AGBL1: variants seen among roughly 807,000 people sequenced by gnomAD.
AGBL1 encodes AGBL carboxypeptidase 1, also known as cytosolic carboxypeptidase 4.
AGBL1 carries 130 observed loss-of-function variants against 118.9 expected under a neutral mutation model. That is an observed-to-expected ratio of 1.09 (90% CI 0.95 to 1.26). The LOEUF (loss-of-function observed/expected upper bound fraction) is 1.26. AGBL1 is among the 50% of genes most tolerant of loss of function. The pLI is 0.00. For missense variants in AGBL1, 1,584 were observed against 1,298.1 expected (o/e 1.22, Z -3.38); for synonymous variants, 555 against 478.9 (o/e 1.16, Z -2.08).
chr15:86,738,641 G>C (rs1032345865), intron 22 of AGBL1, among the ~76,000 whole-genome samples: 1 of 151,966 alleles, frequency 6.6e-6, no homozygotes, highest in Non-Finnish European at 1.5e-5. Context: ...CCAATATTCT[G>C]GCAATAGAAT....
chr15:86,642,942 C>G (rs917299487), intron 21 of AGBL1, among the ~76,000 whole-genome samples: 1 of 152,006 alleles, frequency 6.6e-6, no homozygotes, highest in East Asian at 1.9e-4. Flanking sequence ...CACTAATATA[C>G]CAGGATGGTA....
At position 86,467,933 on chromosome 15, in the gene AGBL1, T is replaced by C. The variant is rs549076709; in HGVS notation, c.2556-54877T>C. ...CTGGAGCTGTTTCTATTTGGTCATC[T>C]TGCCCAGAAATCCTGCTGCATCATT... is the stretch of plus-strand genomic sequence containing the variant. On this transcript the variant is annotated intron_variant, in intron 18 of 22. Transcript: ENST00000614907. Among the ~76,000 whole-genome samples, 11 of 152,290 alleles carry C rather than the reference T, an allele frequency of 7.2e-5. No individual in the cohort carries two copies. In the South Asian group the frequency reaches 1.2e-3, roughly 17 times the overall value.
chr15:86,822,265 C>A (rs1274161423), intron 22 of AGBL1, among the ~76,000 whole-genome samples: 1 of 152,150 alleles, frequency 6.6e-6, no homozygotes, highest in Non-Finnish European at 1.5e-5. Flanking sequence ...CACATGATAG[C>A]CACCACAATG....
chr15:86,094,786 G>C (rs1896248343), intron 1 of AGBL1, among the ~76,000 whole-genome samples: 1 of 152,182 alleles, frequency 6.6e-6, no homozygotes, highest in African/African-American at 2.4e-5. Context: ...AAATGTGTGA[G>C]GTGGTTCCCA....
At chr15:86,213,635 C>T (rs2078137528) in intron 5 of AGBL1, among the ~76,000 whole-genome samples, 1 of 152,136 alleles carries the variant, frequency 6.6e-6, no homozygotes, top group Admixed American at 6.6e-5. Context: ...TGAGGGAGCA[C>T]TTTGTAGGTC....
chr15:86,084,128 G>A (rs1041950179), intron 1 of AGBL1, among the ~76,000 whole-genome samples: 11 of 152,196 alleles, frequency 7.2e-5, no homozygotes, highest in South Asian at 2.1e-4. Context: ...AGGGCCAAGT[G>A]GACAAGAGAC....
At chr15:86,339,026 G>A (rs2080419129) in intron 17 of AGBL1, among the ~76,000 whole-genome samples, 1 of 152,100 alleles carries the variant, frequency 6.6e-6, no homozygotes, top group Admixed American at 6.5e-5. Context: ...TGCTTTTTAT[G>A]CGTTAATATG....
chr15:86,172,887 A>AG, intron 5 of AGBL1, among the ~76,000 whole-genome samples: 1 of 152,232 alleles, frequency 6.6e-6, no homozygotes, highest in East Asian at 1.9e-4. Context: ...ACTGGATTGC[A>AG]TGATAGTCCT....
intron 5 of AGBL1, among the ~76,000 whole-genome samples, chr15:86,159,813 C>T (rs1340611802): frequency 6.6e-6 from 1 of 151,618 alleles, no homozygotes; most frequent in Non-Finnish European, 1.5e-5. Flanking sequence ...ATCTCAGCGT[C>T]AATCTTAGCC....
chr15:86,601,020 C>A (rs1051217618), intron 21 of AGBL1, among the ~76,000 whole-genome samples: 6 of 152,072 alleles, frequency 3.9e-5, no homozygotes, highest in African/African-American at 1.4e-4. Context: ...TCTCTTTTTG[C>A]AAAACCCTCC....
At chr15:86,936,673 T>C (rs907195926) in intron 23 of AGBL1, among the ~76,000 whole-genome samples, 1 of 152,160 alleles carries the variant, frequency 6.6e-6, no homozygotes, top group Non-Finnish European at 1.5e-5. Context: ...AAAGACTTAA[T>C]TGTAAAACCC....
chr15:86,991,387 C>T (rs756212566), intron 24 of AGBL1, among the ~76,000 whole-genome samples: 26 of 151,958 alleles, frequency 1.7e-4, no homozygotes, highest in Non-Finnish European at 3.1e-4. Flanking sequence ...CATCGTTTCC[C>T]CAAAAGTGAA....
intron 9 of AGBL1, among the ~76,000 whole-genome samples, chr15:86,261,949 G>A (rs1275567388): frequency 3.9e-5 from 6 of 151,936 alleles, no homozygotes; most frequent in South Asian, 2.1e-4. Context: ...TTTCTCTCCC[G>A]CCTACTTCTC....
chr15:86,599,439 C>G (rs551438392), intron 21 of AGBL1, among the ~76,000 whole-genome samples: 2 of 152,102 alleles, frequency 1.3e-5, no homozygotes, highest in East Asian at 3.9e-4. Context: ...TTCCTGGTCT[C>G]AATCTCTTAT....
At chr15:86,605,189 T>C (rs921677875) in intron 21 of AGBL1, among the ~76,000 whole-genome samples, 1 of 152,170 alleles carries the variant, frequency 6.6e-6, no homozygotes, top group Admixed American at 6.5e-5. Flanking sequence ...GTAAACAACA[T>C]TGTTTGAAAG....
chr15:86,287,362 A>G (rs2079470754), intron 16 of AGBL1, among the ~76,000 whole-genome samples: 1 of 152,098 alleles, frequency 6.6e-6, no homozygotes, highest in South Asian at 2.1e-4. Flanking sequence ...GTTTGGTGGA[A>G]TCCTATTGTC....
chr15:86,766,922 TCTGG>T (rs1169611090), intron 22 of AGBL1, among the ~76,000 whole-genome samples: 1 of 151,900 alleles, frequency 6.6e-6, no homozygotes, highest in African/African-American at 2.4e-5. Context: ...TTTCTAAAAA[TCTGG>T]CTGGCTGGAA....
intron 1 of AGBL1, among the ~76,000 whole-genome samples, chr15:86,118,815 G>A (rs1454517318): frequency 1.3e-5 from 2 of 152,096 alleles, no homozygotes; most frequent in Admixed American, 6.6e-5. Flanking sequence ...AATTAACCAT[G>A]AGCCTGTCAA....
chr15:86,856,871 C>A (rs1046363067), intron 22 of AGBL1, among the ~76,000 whole-genome samples: 1 of 152,208 alleles, frequency 6.6e-6, no homozygotes, highest in Non-Finnish European at 1.5e-5. Context: ...GCAAATGAAG[C>A]AAATGAGCTC....
Sources: allele counts gnomAD v4.1 joint callset (sites outside exome capture counted in the v4.1 genomes callset), GRCh38; gene constraint gnomAD v4.1.1; transcripts MANE v1.5; gene names NCBI Gene and HGNC (gene_info 2026-07-23, HGNC 2026-07-21).